Variants in PRDM10 observed in about 807,000 individuals in gnomAD.
PRDM10 encodes PR domain zinc finger protein 10.
A neutral mutation model predicts 133.1 loss-of-function variants in PRDM10; 65 were observed. The ratio of observed to expected loss-of-function variants is 0.49; its 90% confidence interval spans 0.40 to 0.60. PRDM10 has a LOEUF of 0.60. PRDM10 is among the 20% of genes least tolerant of loss of function. PRDM10 has a pLI of 0.00. For missense variants in PRDM10, 1,137 were observed against 1,507.1 expected (o/e 0.75, Z 4.07); for synonymous variants, 582 against 580.4 (o/e 1.00, Z -0.04).
chr11:129,959,187 T>G (rs147428013), intron 2 of PRDM10, among the ~76,000 whole-genome samples: 186 of 152,330 alleles, frequency 1.2e-3, no homozygotes, highest in African/African-American at 4.4e-3. Flanking sequence ...GAAGGAAACC[T>G]AAGAGACAAA....
chr11:129,940,559 A>T (rs1052626813), intron 7 of PRDM10, among the ~76,000 whole-genome samples: 8 of 152,148 alleles, frequency 5.3e-5, no homozygotes, highest in South Asian at 2.1e-4. Flanking sequence ...ATGTTGAAAA[A>T]TTTTTTTAAC....
intron 19 of PRDM10, among the ~76,000 whole-genome samples, chr11:129,907,272 C>T (rs911951823): frequency 1.3e-5 from 2 of 152,250 alleles, no homozygotes; most frequent in South Asian, 2.1e-4. Context: ...ATCCAGAATG[C>T]GGAAAACAGC....
intron 1 of PRDM10, among the ~76,000 whole-genome samples, chr11:129,968,556 G>T (rs1027207519): frequency 2.0e-5 from 3 of 152,038 alleles, no homozygotes; most frequent in Non-Finnish European, 4.4e-5. Context: ...TTTTTCTGTT[G>T]TTCTCTCTCT....
intron 7 of PRDM10, among the ~76,000 whole-genome samples, chr11:129,938,400 G>A (rs1951101381): frequency 6.6e-6 from 1 of 152,174 alleles, no homozygotes; most frequent in Non-Finnish European, 1.5e-5. Flanking sequence ...TCCCCATCTT[G>A]ATGAATACCT....
At chr11:129,971,582 T>C (rs914468311) in intron 1 of PRDM10, among the ~76,000 whole-genome samples, 1 of 152,062 alleles carries the variant, frequency 6.6e-6, no homozygotes, top group Non-Finnish European at 1.5e-5. Flanking sequence ...TAGGTGTATT[T>C]ACAATCCCTG....
intron 1 of PRDM10, among the ~76,000 whole-genome samples, chr11:129,963,999 G>A (rs1951854937): frequency 6.6e-6 from 1 of 152,118 alleles, no homozygotes; most frequent in African/African-American, 2.4e-5. Context: ...AAATGCACAG[G>A]TCATTTATTT....
chr11:129,970,475 C>T (rs1219423260), intron 1 of PRDM10, among the ~76,000 whole-genome samples: 3 of 152,150 alleles, frequency 2.0e-5, no homozygotes, highest in Non-Finnish European at 4.4e-5. Flanking sequence ...AAACTAAGAA[C>T]ACTGGACCCT....
At chr11:129,938,841 A>G (rs1174736534) in intron 7 of PRDM10, among the ~76,000 whole-genome samples, 1 of 152,222 alleles carries the variant, frequency 6.6e-6, no homozygotes, top group Non-Finnish European at 1.5e-5. Context: ...CCAACCTGGA[A>G]AAGCAAACTC....
intron 11 of PRDM10, among the ~76,000 whole-genome samples, chr11:129,929,652 AGTAACCCTGC>A: frequency 6.6e-6 from 1 of 152,230 alleles, no homozygotes; most frequent in East Asian, 1.9e-4. Flanking sequence ...CACCAAAACC[AGTAACCCTGC>A]TCATTCAAAA....
At chr11:129,985,604 C>T (rs1938366288) in intron 1 of PRDM10, among the ~76,000 whole-genome samples, 1 of 151,280 alleles carries the variant, frequency 6.6e-6, no homozygotes, top group Non-Finnish European at 1.5e-5. Context: ...CCAGCCTGGT[C>T]AGTAGGGCAA....
At chr11:129,909,379 G>A (rs2135722962) in intron 19 of PRDM10, among the ~76,000 whole-genome samples, 1 of 151,978 alleles carries the variant, frequency 6.6e-6, no homozygotes, top group East Asian at 2.0e-4. Flanking sequence ...GAACCCGGGA[G>A]GCGGAGGTTG....
At chr11:129,922,911 A>G (rs1950558293) in intron 13 of PRDM10, among the ~76,000 whole-genome samples, 1 of 152,222 alleles carries the variant, frequency 6.6e-6, no homozygotes, top group Non-Finnish European at 1.5e-5. Context: ...AGTGCTCAAC[A>G]AAAACCTCCT....
At chr11:129,990,594 C>T (rs924555666) in intron 1 of PRDM10, among the ~76,000 whole-genome samples, 2 of 148,324 alleles carry the variant, frequency 1.3e-5, no homozygotes, top group African/African-American at 2.5e-5. Flanking sequence ...ATATCCAATT[C>T]ACACTCCCTA....
chr11:129,984,452 A>G (rs1938296022), intron 1 of PRDM10, among the ~76,000 whole-genome samples: 1 of 151,986 alleles, frequency 6.6e-6, no homozygotes, highest in Non-Finnish European at 1.5e-5. Flanking sequence ...TGCAGCACAC[A>G]CTGAAACTCT....
intron 1 of PRDM10, among the ~76,000 whole-genome samples, chr11:130,001,839 G>C (rs924592607): frequency 6.6e-6 from 1 of 151,992 alleles, no homozygotes; most frequent in Non-Finnish European, 1.5e-5. Context: ...TGCACCCTGG[G>C]TGCAGGCGGA....
intron 11 of PRDM10, among the ~76,000 whole-genome samples, chr11:129,925,774 G>A (rs1950660469): frequency 6.6e-6 from 1 of 152,210 alleles, no homozygotes; most frequent in South Asian, 2.1e-4. Context: ...CGGCAGGATG[G>A]AGAAGGAAAT....
chr11:129,997,157 G>A (rs1156992413), intron 1 of PRDM10, among the ~76,000 whole-genome samples: 4 of 152,162 alleles, frequency 2.6e-5, no homozygotes, highest in Non-Finnish European at 5.9e-5. Flanking sequence ...TTACGTGTAG[G>A]TTATGTTTCT....
chr11:129,986,386 G>A (rs1041078823), intron 1 of PRDM10, among the ~76,000 whole-genome samples: 7 of 152,034 alleles, frequency 4.6e-5, no homozygotes, highest in East Asian at 1.9e-4. Context: ...TGTGAATTTC[G>A]TTTGCTTTGG....
chr11:129,972,556 C>T (rs1952055412), intron 1 of PRDM10, among the ~76,000 whole-genome samples: 1 of 152,184 alleles, frequency 6.6e-6, no homozygotes, highest in Non-Finnish European at 1.5e-5. Context: ...TCTAGAACAA[C>T]TTCTATTTTA....
Sources: gnomAD v4.1 joint callset for allele counts (sites outside exome capture counted in the v4.1 genomes callset) on GRCh38, gnomAD v4.1.1 for gene constraint, MANE v1.5 for transcripts, NCBI Gene and HGNC (gene_info 2026-07-23, HGNC 2026-07-21) for gene names.